GPC6: variants seen among roughly 807,000 people sequenced by gnomAD.
GPC6 encodes the protein glypican 6.
A neutral mutation model predicts 55.2 loss-of-function variants in GPC6; 14 were observed. The ratio of observed to expected loss-of-function variants is 0.25; its 90% confidence interval spans 0.17 to 0.40. The LOEUF (loss-of-function observed/expected upper bound fraction) is 0.40. Among genes scored for constraint, GPC6 ranks in the 10% least tolerant of loss-of-function variants. The probability of loss-of-function intolerance (pLI) is 1.00; values close to 1 mark genes in which losing one functional copy is unlikely to be tolerated. For synonymous variants in GPC6, 278 were observed against 259.6 expected (o/e 1.07, Z -0.68); for missense variants, 641 against 708.5 (o/e 0.90, Z 1.08).
intron 1 of GPC6, among the ~76,000 whole-genome samples, chr13:93,401,982 C>T (rs893366497): frequency 1.8e-4 from 28 of 152,092 alleles, no homozygotes; most frequent in African/African-American, 4.1e-4. Flanking sequence ...CCTCATGAAA[C>T]GCTTTGAGAA....
intron 3 of GPC6, among the ~76,000 whole-genome samples, chr13:93,940,735 A>G (rs1039520100): frequency 3.3e-5 from 5 of 152,302 alleles, no homozygotes; most frequent in Non-Finnish European, 7.4e-5. Flanking sequence ...GTCCGTTTTA[A>G]CTTCTAGGTA....
At chr13:94,332,599 T>C (rs1273588632) in intron 6 of GPC6, among the ~76,000 whole-genome samples, 1 of 152,246 alleles carries the variant, frequency 6.6e-6, no homozygotes, top group East Asian at 1.9e-4. Context: ...AAAATGCAGC[T>C]AATCTGCCTT....
At chr13:94,278,615 T>C (rs541828613) in intron 4 of GPC6, among the ~76,000 whole-genome samples, 1 of 152,360 alleles carries the variant, frequency 6.6e-6, no homozygotes, top group South Asian at 2.1e-4. Context: ...GTTCCATCAA[T>C]ACCTAGCTTA....
At chr13:94,243,146 A>G (rs1486704542) in intron 4 of GPC6, among the ~76,000 whole-genome samples, 1 of 152,124 alleles carries the variant, frequency 6.6e-6, no homozygotes, top group Admixed American at 6.6e-5. Flanking sequence ...ATATTTCCAT[A>G]TCAATTTCTG....
chr13:94,023,604 T>A (rs1038785006), intron 3 of GPC6, among the ~76,000 whole-genome samples: 1 of 152,062 alleles, frequency 6.6e-6, no homozygotes, highest in Non-Finnish European at 1.5e-5. Flanking sequence ...CACCATGTGA[T>A]CCAGCAATTG....
At chr13:93,338,811 A>G (rs9561318) in intron 1 of GPC6, among the ~76,000 whole-genome samples, 43,892 of 151,974 alleles carry the variant, frequency 0.29, 7,324 homozygotes, top group East Asian at 0.55. Context: ...TTACTATATC[A>G]ATATATTTTT....
chr13:94,193,093 G>A (rs1889452767), intron 4 of GPC6, among the ~76,000 whole-genome samples: 1 of 139,474 alleles, frequency 7.2e-6, no homozygotes, highest in Non-Finnish European at 1.6e-5. Context: ...GTGTGTGTGT[G>A]TGTGTATTTC....
At chr13:94,379,561 C>T (rs1281704592) in intron 6 of GPC6, among the ~76,000 whole-genome samples, 1 of 152,170 alleles carries the variant, frequency 6.6e-6, no homozygotes, top group African/African-American at 2.4e-5. Context: ...GATGAACACA[C>T]AGTATTGTGA....
At chr13:93,965,012 T>C (rs939997166) in intron 3 of GPC6, among the ~76,000 whole-genome samples, 1 of 151,766 alleles carries the variant, frequency 6.6e-6, no homozygotes, top group Non-Finnish European at 1.5e-5. Context: ...TTTAAAAAGA[T>C]AGTTTTCATT....
chr13:93,291,036 C>T (rs1389831426), intron 1 of GPC6, among the ~76,000 whole-genome samples: 2 of 152,086 alleles, frequency 1.3e-5, no homozygotes, highest in African/African-American at 2.4e-5. Context: ...ATCAAAGCAT[C>T]GTCTATTAGG....
At chr13:94,111,133 C>A (rs1036415997) in intron 4 of GPC6, among the ~76,000 whole-genome samples, 1 of 152,096 alleles carries the variant, frequency 6.6e-6, no homozygotes, top group African/African-American at 2.4e-5. Context: ...TCCCTGTTCT[C>A]TAAATATCCT....
At chr13:93,746,318 T>A (rs1190070287) in intron 2 of GPC6, among the ~76,000 whole-genome samples, 1 of 152,182 alleles carries the variant, frequency 6.6e-6, no homozygotes, top group Non-Finnish European at 1.5e-5. Context: ...AACAAATATT[T>A]AATGTTGATA....
chr13:93,423,917 C>A (rs1375783215), intron 1 of GPC6, among the ~76,000 whole-genome samples: 1 of 150,498 alleles, frequency 6.6e-6, no homozygotes, highest in Non-Finnish European at 1.5e-5. Context: ...AATGGATGAC[C>A]TGTGACCACC....
intron 3 of GPC6, among the ~76,000 whole-genome samples, chr13:94,004,238 C>T (rs1202998484): frequency 6.6e-6 from 1 of 151,996 alleles, no homozygotes; most frequent in Non-Finnish European, 1.5e-5. Flanking sequence ...GTAGAGAAAG[C>T]AAAAAGTAAG....
At chr13:93,661,269 A>C (rs182441860) in intron 2 of GPC6, among the ~76,000 whole-genome samples, 2 of 152,070 alleles carry the variant, frequency 1.3e-5, no homozygotes, top group Non-Finnish European at 2.9e-5. Flanking sequence ...GCTGGAGTGC[A>C]GTGAAGCAAT....
intron 2 of GPC6, among the ~76,000 whole-genome samples, chr13:93,751,768 C>T (rs530062655): frequency 6.6e-6 from 1 of 152,160 alleles, no homozygotes; most frequent in African/African-American, 2.4e-5. Context: ...TCAAGTGATT[C>T]TCCTGCTTCA....
At chr13:93,978,066 GGAA>G (rs1446258741) in intron 3 of GPC6, among the ~76,000 whole-genome samples, 1 of 152,146 alleles carries the variant, frequency 6.6e-6, no homozygotes, top group African/African-American at 2.4e-5. Context: ...CCTTAAAAAT[GGAA>G]GAAGATGGTC....
At chr13:93,936,655 T>A (rs760472785) in intron 3 of GPC6, among the ~76,000 whole-genome samples, 4 of 152,114 alleles carry the variant, frequency 2.6e-5, no homozygotes, top group Non-Finnish European at 4.4e-5. Context: ...TTTCATGGAA[T>A]GGGAAATAAA....
chr13:93,393,127 T>TATATATATATATAGAGAGAGAGAGAG (rs1230857277), intron 1 of GPC6, among the ~76,000 whole-genome samples: 2 of 87,612 alleles, frequency 2.3e-5, no homozygotes, highest in African/African-American at 7.9e-5. Flanking sequence ...TATATATATA[T>TATATATATATATAGAGAGAGAGAGAG]AGAGAGAGAG....
Sources: allele counts gnomAD v4.1 joint callset (sites outside exome capture counted in the v4.1 genomes callset), GRCh38; gene constraint gnomAD v4.1.1; transcripts MANE v1.5; gene names NCBI Gene and HGNC (gene_info 2026-07-23, HGNC 2026-07-21).